Variants in VPS26B observed in about 807,000 individuals in gnomAD.
VPS26B encodes the protein VPS26 retromer complex component B, also known as vacuolar protein sorting-associated protein 26B.
VPS26B carries 10 observed loss-of-function variants against 33.3 expected under a neutral mutation model. That is an observed-to-expected ratio of 0.30 (90% CI 0.19 to 0.51). VPS26B has a LOEUF of 0.51. VPS26B is among the 20% of genes least tolerant of loss of function. The probability of loss-of-function intolerance (pLI) is 0.98; values close to 1 mark genes in which losing one functional copy is unlikely to be tolerated. For synonymous variants in VPS26B, 190 were observed against 176.9 expected (o/e 1.07, Z -0.59); for missense variants, 317 against 452.7 (o/e 0.70, Z 2.72).
In VPS26B at chr11:134,244,833, C is replaced by T. The variant is rs1450290577; in HGVS notation, c.722-105C>T. 1.3e-5 allele frequency: 19 copies of T among 1,435,458 alleles called. No individual in the cohort carries two copies. Among genetic ancestry groups the T allele is most frequent in the East Asian group, 9.5e-5 (4 of 42,004 alleles). 88.9% of individuals were successfully genotyped at this position (1,435,458 alleles called of 1,614,324 possible). On this transcript the variant is annotated intron_variant, in intron 4 of 5. Coordinates refer to ENST00000281187, the MANE Select transcript of VPS26B (RefSeq NM_052875.5). The surrounding 1 kb of genome is among the most constrained non-coding windows in gnomAD (Gnocchi z 4.0). ...CACCTTCCCAGAAGGCTGAAGTGCTCGTGTGCTGCACTCCAGTGGCATCTC... is the reference window on the plus strand; with the variant it reads ...CACCTTCCCAGAAGGCTGAAGTGCTTGTGTGCTGCACTCCAGTGGCATCTC...
chr11:134,243,152 A>C lies in VPS26B; in HGVS notation c.579A>C (p.Ile193=). 1 of 1,614,212 alleles carries C rather than the reference A, an allele frequency of 6.2e-7. No individual in the cohort carries two copies. Among genetic ancestry groups the C allele is most frequent in the Non-Finnish European group, 8.5e-7 (1 of 1,180,042 alleles). Residue 193 remains isoleucine, a synonymous_variant, in exon 4 of 6, where the codon ATA becomes ATC. Coordinates refer to ENST00000281187, the MANE Select transcript of VPS26B (RefSeq NM_052875.5). ...YHLKDVIVGK[I]YFLLVRIKIK... is the part of the protein sequence containing the mutation. ...TGAAAGATGTCATTGTAGGGAAGAT[A>C]TACTTCCTGCTGGTGAGAATCAAAA...
intron 1 of VPS26B, among the ~76,000 whole-genome samples, chr11:134,229,597 C>T (rs1445791396): frequency 6.6e-6 from 1 of 152,196 alleles, no homozygotes; most frequent in East Asian, 1.9e-4. Context: ...GGCTCCTCCT[C>T]CCACACATGC....
At chr11:134,239,457 TTC>T (rs1938684668) in intron 2 of VPS26B, among the ~76,000 whole-genome samples, 2 of 152,236 alleles carry the variant, frequency 1.3e-5, no homozygotes, top group Admixed American at 1.3e-4. Context: ...CTGACTTAAT[TTC>T]TCTCTTTCCT....
At chr11:134,227,837 T>A (rs1591876180) in intron 1 of VPS26B, among the ~76,000 whole-genome samples, 4 of 152,332 alleles carry the variant, frequency 2.6e-5, no homozygotes, top group Admixed American at 2.6e-4. Flanking sequence ...GTAAAATGTT[T>A]CCATTTCACA....
At position 134,246,014 on chromosome 11, in the gene VPS26B, C is replaced by G. The variant is rs1036231407; in HGVS notation, c.*424C>G. On this transcript the variant is annotated 3_prime_UTR_variant, in exon 6 of 6. Coordinates refer to ENST00000281187, the MANE Select transcript of VPS26B (RefSeq NM_052875.5). ...CTGGGTAGTCACATCTTGTACTCCC[C>G]TTTGCTGTCCCGGAGGTAGTGGCAG... 2 of 163,796 alleles carry G rather than the reference C, an allele frequency of 1.2e-5. No homozygotes were observed. Among genetic ancestry groups the G allele is most frequent in the Non-Finnish European group, 2.7e-5 (2 of 74,914 alleles). The allele number at this position is 163,796 out of a possible 1,614,324, so 10.1% of individuals were successfully genotyped here.
chr11:134,239,817 A>AG, intron 2 of VPS26B, 174 bp from the exon 3 acceptor site: 1 of 683,394 alleles, frequency 1.5e-6, no homozygotes, highest in South Asian at 1.7e-5. Context: ...CTGTATAGGT[A>AG]CATATGTGCA....
chr11:134,231,197 C>T (rs1479693121), intron 1 of VPS26B, among the ~76,000 whole-genome samples: 1 of 151,668 alleles, frequency 6.6e-6, no homozygotes, highest in Admixed American at 6.6e-5. Flanking sequence ...AACATCCCTG[C>T]ACTCCAAAGC....
chr11:134,232,640 T>A (rs184124931), intron 1 of VPS26B, among the ~76,000 whole-genome samples: 3 of 152,328 alleles, frequency 2.0e-5, no homozygotes, highest in African/African-American at 7.2e-5. Context: ...TCTCTGTGCC[T>A]TCTCTGTTTT....
chr11:134,234,811 C>CCA, intron 1 of VPS26B, 86 bp from the exon 2 acceptor site: 1 of 1,530,186 alleles, frequency 6.5e-7, no homozygotes, highest in Non-Finnish European at 8.8e-7. Flanking sequence ...AGCAGTCCCT[C>CCA]CAGCCTACAG....
rs368990322 is a variant in VPS26B at position 134,227,696 on chromosome 11, C to T, written c.223+2351C>T. ...GACCATGAGACTGGGGGAATTTAGC[C>T]ACTCTCTGGGCCTCGGCTTTCTCAG... On this transcript the variant is annotated intron_variant, in intron 1 of 5. Coordinates refer to ENST00000281187, the MANE Select transcript of VPS26B (RefSeq NM_052875.5). 1.5e-4 allele frequency among the ~76,000 whole-genome samples: 23 copies of T among 152,290 alleles called. No homozygotes were observed. In the South Asian group the frequency reaches 4.8e-3, roughly 32 times the overall value.
At chr11:134,230,825 T>G (rs1296647708) in intron 1 of VPS26B, among the ~76,000 whole-genome samples, 1 of 152,238 alleles carries the variant, frequency 6.6e-6, no homozygotes, top group African/African-American at 2.4e-5. Context: ...TGTTATCCTC[T>G]GCAAGTTTTC....
intron 2 of VPS26B, among the ~76,000 whole-genome samples, chr11:134,237,162 T>G (rs1938644541): frequency 6.6e-6 from 1 of 152,234 alleles, no homozygotes; most frequent in Non-Finnish European, 1.5e-5. Context: ...TGGACTTTTC[T>G]TTTGTCTTTA....
chr11:134,225,629 C>T (rs955450372), intron 1 of VPS26B, among the ~76,000 whole-genome samples: 2 of 152,244 alleles, frequency 1.3e-5, no homozygotes, highest in African/African-American at 4.8e-5. Flanking sequence ...GGGTTCTCCC[C>T]ATTGTCTCCG....
At chr11:134,225,528 C>A in intron 1 of VPS26B, 183 bp downstream of exon 1, 1 of 648,356 alleles carries the variant, frequency 1.5e-6, no homozygotes. Flanking sequence ...TCCTCCCTGC[C>A]AAAAGTGACA....
chr11:134,226,367 C>T (rs1234935873), intron 1 of VPS26B, among the ~76,000 whole-genome samples: 3 of 152,050 alleles, frequency 2.0e-5, no homozygotes, highest in Admixed American at 1.3e-4. Context: ...GATAACACCA[C>T]AGCACTCCAG....
chr11:134,229,287 T>G (rs1938524452), intron 1 of VPS26B, among the ~76,000 whole-genome samples: 1 of 152,078 alleles, frequency 6.6e-6, no homozygotes, highest in Admixed American at 6.5e-5. Context: ...CCTCCCAGAG[T>G]GCTGGGATTA....
In VPS26B at chr11:134,235,271, G is replaced by A. The variant is rs1259021; in HGVS notation, c.380+218G>A. 1.8e-4 allele frequency: 84 copies of A among 458,910 alleles called. 1 individual carries two copies. Among genetic ancestry groups the A allele is most frequent in the Non-Finnish European group, 1.1e-4 (29 of 263,828 alleles). 28.4% of individuals were successfully genotyped at this position (458,910 alleles called of 1,614,324 possible). ...CAATTTCTGTAGTGTACATAGCCCCGCCATGGCCAATTTCAAGCTACCTAA... is the reference window on the plus strand; with the variant it reads ...CAATTTCTGTAGTGTACATAGCCCCACCATGGCCAATTTCAAGCTACCTAA... On this transcript the variant is annotated intron_variant, in intron 2 of 5. Coordinates refer to ENST00000281187, the MANE Select transcript of VPS26B (RefSeq NM_052875.5).
intron 2 of VPS26B, among the ~76,000 whole-genome samples, chr11:134,238,872 G>A (rs1055732059): frequency 6.6e-6 from 1 of 152,184 alleles, no homozygotes; most frequent in Non-Finnish European, 1.5e-5. Context: ...TGGGATTACA[G>A]GCGTGAACCA....
chr11:134,243,821 C>T (rs1049531365), intron 4 of VPS26B: 2 of 152,608 alleles, frequency 1.3e-5, no homozygotes, highest in African/African-American at 4.8e-5. Flanking sequence ...CTCCCAGCCC[C>T]AGGGAGCTAA....
Sources: allele counts gnomAD v4.1 joint callset (sites outside exome capture counted in the v4.1 genomes callset), GRCh38; gene constraint gnomAD v4.1.1; non-coding constraint Gnocchi (gnomAD v3.1); transcripts MANE v1.5; gene names NCBI Gene and HGNC (gene_info 2026-07-23, HGNC 2026-07-21).